The following NIPBL variants were observed in gnomAD, a reference collection of about 807,000 sequenced individuals.
The protein encoded by NIPBL is nipped-B-like protein.
NIPBL carries 19 observed loss-of-function variants against 321.8 expected under a neutral mutation model. That is an observed-to-expected ratio of 0.06 (90% CI 0.04 to 0.09). The LOEUF (loss-of-function observed/expected upper bound fraction) is 0.09, where lower values mean the gene tolerates loss of function less well. NIPBL is among the 10% of genes least tolerant of loss of function. The pLI is 1.00. For missense variants in NIPBL, 2,210 were observed against 3,327.0 expected (o/e 0.66, Z 8.26); for synonymous variants, 1,106 against 1,114.1 (o/e 0.99, Z 0.14).
intron 41 of NIPBL, among the ~76,000 whole-genome samples, chr5:37,052,156 C>T (rs1471000544): frequency 1.3e-5 from 2 of 151,888 alleles, no homozygotes; most frequent in African/African-American, 4.8e-5. Context: ...TGCAGTGACT[C>T]TCCTGGGCCT....
chr5:37,002,588 A>C, intron 14 of NIPBL, 74 bp from the exon 15 acceptor site: 1 of 1,024,762 alleles, frequency 9.8e-7, no homozygotes, highest in Non-Finnish European at 1.5e-6. Flanking sequence ...ATTTTATTAG[A>C]AAGTTAAGCT....
At chr5:37,059,472 A>C (rs773580350) in intron 44 of NIPBL, among the ~76,000 whole-genome samples, 1 of 152,190 alleles carries the variant, frequency 6.6e-6, no homozygotes, top group Non-Finnish European at 1.5e-5. Flanking sequence ...ACGCCACTGC[A>C]CTCCAGCCTG....
At chr5:37,022,006 T>G (rs954078729) in intron 27 of NIPBL, 45 bp from the exon 28 acceptor site, 22 of 1,413,236 alleles carry the variant, frequency 1.6e-5, no homozygotes, top group Non-Finnish European at 2.1e-5. Context: ...TAATTAAATT[T>G]TATGTATTCT....
intron 40 of NIPBL, 43 bp downstream of exon 40, chr5:37,049,344 A>T: frequency 6.3e-7 from 1 of 1,577,352 alleles, no homozygotes; most frequent in Admixed American, 1.7e-5. Flanking sequence ...AAAGAGCAAG[A>T]TTAGTTGTAA....
chr5:36,954,389 G>A (rs1339266892), intron 2 of NIPBL, among the ~76,000 whole-genome samples: 2 of 152,126 alleles, frequency 1.3e-5, no homozygotes, highest in African/African-American at 2.4e-5. Context: ...GTTGGTTTTA[G>A]TGGGGTAAAA....
chr5:36,889,708 C>G (rs745593197), intron 1 of NIPBL, among the ~76,000 whole-genome samples: 3 of 152,040 alleles, frequency 2.0e-5, no homozygotes, highest in Non-Finnish European at 4.4e-5. Context: ...ATATTTTAAA[C>G]TGGAAGATAA....
chr5:37,007,991 T>C lies in NIPBL; in HGVS notation c.4240-17T>C. 6 of 1,469,976 alleles carry C rather than the reference T, an allele frequency of 4.1e-6. 1 individual carries two copies. Among genetic ancestry groups the C allele is most frequent in the Non-Finnish European group, 2.9e-6 (3 of 1,049,004 alleles). 91.1% of individuals were successfully genotyped at this position (1,469,976 alleles called of 1,614,324 possible). Reference sequence around the variant, plus strand: ...TCAACTAAAGGTGTATACTACTTACTCTTCTTTTTTAAACAGGTTTCATCT... The same window carrying C: ...TCAACTAAAGGTGTATACTACTTACCCTTCTTTTTTAAACAGGTTTCATCT... On this transcript the variant is annotated splice_polypyrimidine_tract_variant and intron_variant, in intron 18 of 46. Coordinates refer to ENST00000282516, the MANE Select transcript of NIPBL (RefSeq NM_133433.4).
intron 6 of NIPBL, among the ~76,000 whole-genome samples, chr5:36,966,897 A>C (rs1742269410): frequency 6.6e-6 from 1 of 152,028 alleles, no homozygotes; most frequent in Non-Finnish European, 1.5e-5. Context: ...AATTTTTGGT[A>C]TTCTAAGAGT....
intron 38 of NIPBL, 62 bp from the exon 39 acceptor site, chr5:37,048,440 T>A: frequency 2.0e-6 from 2 of 1,016,372 alleles, no homozygotes; most frequent in Non-Finnish European, 2.7e-6. Context: ...TTAACATATT[T>A]ATTAAATGTT....
intron 1 of NIPBL, among the ~76,000 whole-genome samples, chr5:36,906,527 T>C (rs1384912476): frequency 6.6e-6 from 1 of 152,182 alleles, no homozygotes; most frequent in African/African-American, 2.4e-5. Flanking sequence ...TTTTAGAAAT[T>C]ATTTCTGCTA....
intron 9 of NIPBL, among the ~76,000 whole-genome samples, chr5:36,978,912 A>G (rs977255670): frequency 1.3e-5 from 2 of 151,756 alleles, no homozygotes; most frequent in African/African-American, 4.8e-5. Flanking sequence ...ATGTGGCTTT[A>G]TTTCTGGGTT....
chr5:36,886,639 T>C (rs1225430843), intron 1 of NIPBL: 1 of 492,998 alleles, frequency 2.0e-6, no homozygotes, highest in Non-Finnish European at 3.7e-6. Flanking sequence ...TGAGGTATAA[T>C]TTATACAGTA....
intron 1 of NIPBL, among the ~76,000 whole-genome samples, chr5:36,895,634 G>A (rs1459575481): frequency 1.3e-5 from 2 of 152,134 alleles, no homozygotes; most frequent in African/African-American, 4.8e-5. Context: ...GTTATTGTCT[G>A]TCTGATTGTA....
intron 1 of NIPBL, among the ~76,000 whole-genome samples, chr5:36,882,732 G>A (rs557730675): frequency 4.5e-4 from 69 of 151,934 alleles, no homozygotes; most frequent in African/African-American, 1.6e-3. Context: ...CTACCACCCT[G>A]GCTCTTCAAA....
chr5:36,987,511 A>G (rs906430627), intron 10 of NIPBL, among the ~76,000 whole-genome samples: 3 of 152,324 alleles, frequency 2.0e-5, no homozygotes, highest in East Asian at 3.9e-4. Flanking sequence ...TGTTTTTCAT[A>G]ACATGCTGTT....
chr5:37,047,956 T>A (rs941631063), intron 38 of NIPBL, among the ~76,000 whole-genome samples: 12 of 152,344 alleles, frequency 7.9e-5, no homozygotes, highest in African/African-American at 2.9e-4. Context: ...TAGCTCTGGT[T>A]TATTATATTG....
At chr5:36,898,321 A>T (rs995670177) in intron 1 of NIPBL, among the ~76,000 whole-genome samples, 1 of 152,150 alleles carries the variant, frequency 6.6e-6, no homozygotes, top group Non-Finnish European at 1.5e-5. Context: ...AGGGTAGTGT[A>T]ATCCTGCCTT....
At position 36,970,990 on chromosome 5, in the gene NIPBL, G is replaced by A; in HGVS notation, c.725G>A (p.Gly242Asp). 1.9e-6 allele frequency: 3 copies of A among 1,613,730 alleles called. No homozygotes were observed. Among genetic ancestry groups the A allele is most frequent in the East Asian group, 2.2e-5 (1 of 44,850 alleles). The change falls in exon 7 of 47, where the codon GGT becomes GAT. Residue 242 changes from glycine to aspartate, a missense_variant. Transcript: ENST00000282516. ...CATCATGCTGATAATCCTAGACATG[G>A]TTCAAGTGAGGACTACCTACACATG... ...ANHHADNPRHGSSEDYLHMVH... is the reference protein window; with the variant it reads ...ANHHADNPRHDSSEDYLHMVH...
At chr5:37,052,979 T>C (rs1753728513) in intron 42 of NIPBL, among the ~76,000 whole-genome samples, 1 of 151,658 alleles carries the variant, frequency 6.6e-6, no homozygotes, top group African/African-American at 2.4e-5. Context: ...GTCACTTTTC[T>C]GTATAGTAGT....
Sources: gnomAD v4.1 joint callset for allele counts (sites outside exome capture counted in the v4.1 genomes callset) on GRCh38, gnomAD v4.1.1 for gene constraint, MANE v1.5 for transcripts, NCBI Gene and HGNC (gene_info 2026-07-23, HGNC 2026-07-21) for gene names.